The following ARHGEF11 variants were observed in gnomAD, a reference collection of about 807,000 sequenced individuals.
ARHGEF11 encodes the protein Rho guanine nucleotide exchange factor 11.
A neutral mutation model predicts 193.7 loss-of-function variants in ARHGEF11; 55 were observed. That is an observed-to-expected ratio of 0.28 (90% confidence interval 0.23 to 0.36). ARHGEF11 has a LOEUF of 0.36. Ranked by LOEUF, ARHGEF11 falls within the 10% of genes least tolerant of loss-of-function variation. The pLI is 1.00. For missense variants in ARHGEF11, 1,723 were observed against 2,005.6 expected (o/e 0.86, Z 2.69); for synonymous variants, 693 against 768.0 (o/e 0.90, Z 1.62).
At chr1:156,941,555 T>A (rs1656930032) in intron 34 of ARHGEF11, 122 bp from the exon 35 acceptor site, 2 of 1,149,586 alleles carry the variant, frequency 1.7e-6, no homozygotes, top group Non-Finnish European at 2.6e-6. Flanking sequence ...CTGGCTGGTC[T>A]GCTTGGCAAC....
chr1:157,031,682 G>A (rs1671327811), intron 1 of ARHGEF11, among the ~76,000 whole-genome samples: 1 of 152,152 alleles, frequency 6.6e-6, no homozygotes, highest in East Asian at 1.9e-4. Context: ...CAGTAGTGTG[G>A]TCCCTGAACC....
chr1:156,969,095 T>C (rs1662148303), intron 10 of ARHGEF11, among the ~76,000 whole-genome samples, 187 bp downstream of exon 10: 1 of 152,200 alleles, frequency 6.6e-6, no homozygotes, highest in South Asian at 2.1e-4. Context: ...GATTTGATAA[T>C]CTTGCATGTT....
chr1:156,938,432 C>A lies in ARHGEF11; in HGVS notation c.4178G>T (p.Gly1393Val). 1 of 1,613,696 alleles carries A rather than the reference C, an allele frequency of 6.2e-7. No individual in the cohort carries two copies. Among genetic ancestry groups the A allele is most frequent in the Non-Finnish European group, 8.5e-7 (1 of 1,179,734 alleles). The change falls in exon 38 of 41, where the codon GGA becomes GTA. Residue 1393 changes from glycine to valine, a missense_variant. Gly to Val is a moderately radical substitution (Grantham distance 109). Transcript: ENST00000368194. ...AAAGTTATTACCCGTAGCCTTTGTT[C>A]CGCCTTCCACTTCAGGTGGCCCAGG... ...SEPGPPEVEG[G>V]TKATGNCFYV...
chr1:156,975,562 A>G (rs1016226927), intron 7 of ARHGEF11, among the ~76,000 whole-genome samples: 6 of 152,202 alleles, frequency 3.9e-5, no homozygotes, highest in African/African-American at 1.4e-4. Flanking sequence ...TTTTGATGAA[A>G]TCCAACTATT....
At position 156,956,298 on chromosome 1, in the gene ARHGEF11, T is replaced by A. The variant is rs574279405; in HGVS notation, c.1671+122A>T. 4.8e-5 allele frequency: 49 copies of A among 1,019,352 alleles called. No individual in the cohort carries two copies. In the African/African-American group the frequency reaches 7.6e-4, roughly 16 times the overall value. 63.1% of individuals were successfully genotyped at this position (1,019,352 alleles called of 1,614,324 possible). On this transcript the variant is annotated intron_variant, in intron 19 of 40. Coordinates refer to ENST00000368194, the MANE Select transcript of ARHGEF11 (RefSeq NM_198236.3). The stretch of plus-strand genomic sequence containing the variant: ...TGCTGGACTAATTTTTGTATTTTAA[T>A]AGAGATGGGGTTTCACCATGTTGCC...
chr1:156,980,929 C>G (rs913759128), intron 3 of ARHGEF11, among the ~76,000 whole-genome samples: 6 of 150,240 alleles, frequency 4.0e-5, no homozygotes, highest in African/African-American at 1.2e-4. Context: ...CAAGAGTTTC[C>G]TAAGTCCTGA....
intron 1 of ARHGEF11, among the ~76,000 whole-genome samples, chr1:157,018,468 C>A (rs539233539): frequency 6.6e-6 from 1 of 151,900 alleles, no homozygotes; most frequent in Non-Finnish European, 1.5e-5. Flanking sequence ...ATGGTGAAAC[C>A]CCGTCTCTAC....
chr1:157,005,609 G>A (rs1038371473), intron 1 of ARHGEF11, among the ~76,000 whole-genome samples: 7 of 152,078 alleles, frequency 4.6e-5, no homozygotes, highest in Non-Finnish European at 7.3e-5. Flanking sequence ...TACTTAAAAC[G>A]CATTAATCCC....
intron 22 of ARHGEF11, chr1:156,949,192 T>A: frequency 1.2e-6 from 1 of 824,704 alleles, no homozygotes; most frequent in African/African-American, 1.8e-5. Flanking sequence ...TTTTTACTGA[T>A]AGGCAGGACC....
chr1:156,983,209 TC>T (rs1444167470), intron 3 of ARHGEF11, among the ~76,000 whole-genome samples: 1 of 151,720 alleles, frequency 6.6e-6, no homozygotes, highest in Non-Finnish European at 1.5e-5. Flanking sequence ...CCACTGCCTT[TC>T]TTTTTTTTTT....
intron 1 of ARHGEF11, among the ~76,000 whole-genome samples, chr1:157,015,016 T>C (rs1669035256): frequency 6.6e-6 from 1 of 152,180 alleles, no homozygotes; most frequent in Non-Finnish European, 1.5e-5. Context: ...CTCAACACAC[T>C]GACAAACTCA....
rs1246933395 is a variant in ARHGEF11, at chr1:157,035,895, ATATATATATATGAATC to A, written c.32+8388_32+8403del. ...AATATATATAGGAATATATATAGGA[ATATATATATATGAATC>A]TATATATAGGAATATATATATATGA... is the stretch of plus-strand genomic sequence containing the variant. On this transcript the variant is annotated intron_variant, in intron 1 of 40. Coordinates refer to ENST00000368194, the MANE Select transcript of ARHGEF11 (RefSeq NM_198236.3). 9.3e-3 allele frequency among the ~76,000 whole-genome samples: 442 copies of A among 47,440 alleles called. 47 individuals carry two copies. Among genetic ancestry groups the A allele is most frequent in the South Asian group, 0.023 (37 of 1,642 alleles). 31.1% of individuals were successfully genotyped at this position (47,440 alleles called of 152,430 possible). A position where few individuals can be genotyped will look rare whatever the true frequency, so the allele number is the denominator to read the frequency against.
At chr1:156,979,361 CTTTTTTTTTTT>C (rs36031299) in intron 4 of ARHGEF11, 75 bp from the exon 5 acceptor site, 5 of 507,260 alleles carry the variant, frequency 9.9e-6, no homozygotes, top group African/African-American at 9.0e-5. Flanking sequence ...CAAAATGCCA[CTTTTTTTTTTT>C]TTTTTTTTTT....
At chr1:156,949,782 C>T (rs1374436971) in intron 22 of ARHGEF11, among the ~76,000 whole-genome samples, 1 of 152,184 alleles carries the variant, frequency 6.6e-6, no homozygotes, top group Non-Finnish European at 1.5e-5. Flanking sequence ...AAGTAATGCT[C>T]CTCACCAAGA....
At chr1:156,941,530 T>C in intron 34 of ARHGEF11, 97 bp from the exon 35 acceptor site, 1 of 1,356,168 alleles carries the variant, frequency 7.4e-7, no homozygotes, top group African/African-American at 1.4e-5. Flanking sequence ...AGAAGGACGG[T>C]GTGGGCCTCT....
rs747576025 is a variant in ARHGEF11 at position 156,947,920 on chromosome 1, A to G, written c.2190T>C (p.Asp730=). The G allele has an allele frequency of 2.9e-5, 46 of 1,614,006 alleles. No homozygotes were observed. The highest frequency in any genetic ancestry group is 1.7e-5 in the Admixed American group (1 of 60,008). ...CCTCTAGGAGGTGGGGAAGGAGGGTATCTGTGCAGAACCCCAAACTGGGGG... is the reference window on the plus strand; with the variant it reads ...CCTCTAGGAGGTGGGGAAGGAGGGTGTCTGTGCAGAACCCCAAACTGGGGG... The part of the protein sequence containing the change: ...IESPSLGFCT[D]TLLPHLLEDD... The change falls in exon 25 of 41, where the codon GAT becomes GAC. Residue 730 remains aspartate (D), a synonymous_variant. Coordinates refer to ENST00000368194, the MANE Select transcript of ARHGEF11 (RefSeq NM_198236.3).
At chr1:156,993,578 C>T (rs907169786) in intron 1 of ARHGEF11, among the ~76,000 whole-genome samples, 2 of 152,108 alleles carry the variant, frequency 1.3e-5, no homozygotes, top group Admixed American at 6.5e-5. Flanking sequence ...ACAAGAGACA[C>T]CCTACCAGGA....
At chr1:157,024,274 G>A (rs563640168) in intron 1 of ARHGEF11, among the ~76,000 whole-genome samples, 20 of 152,320 alleles carry the variant, frequency 1.3e-4, no homozygotes, top group Admixed American at 2.6e-4. Context: ...TGGTGGGACT[G>A]TAGGGAGCGG....
chr1:157,024,393 C>T (rs1670393296), intron 1 of ARHGEF11, among the ~76,000 whole-genome samples: 1 of 152,036 alleles, frequency 6.6e-6, no homozygotes, highest in Non-Finnish European at 1.5e-5. Context: ...AATCTCATGG[C>T]ATATGAATTA....
Sources: gnomAD v4.1 joint callset for allele counts (sites outside exome capture counted in the v4.1 genomes callset) on GRCh38, gnomAD v4.1.1 for gene constraint, MANE v1.5 for transcripts, NCBI Gene and HGNC (gene_info 2026-07-23, HGNC 2026-07-21) for gene names.